The following SETD2 variants were observed in gnomAD, a reference collection of about 807,000 sequenced individuals.
SETD2 encodes the protein SET domain containing 2, histone lysine methyltransferase.
In SETD2, 31 loss-of-function variants were observed where a neutral mutation model predicts 242.1. The observed-to-expected ratio is 0.13, with a 90% CI of 0.10 to 0.17. The LOEUF (loss-of-function observed/expected upper bound fraction) is 0.17. Ranked by LOEUF, SETD2 falls within the 10% of genes least tolerant of loss-of-function variation. SETD2 has a pLI of 1.00. For missense variants in SETD2, 2,481 were observed against 3,046.3 expected (o/e 0.81, Z 4.37); for synonymous variants, 1,006 against 1,066.5 (o/e 0.94, Z 1.11).
Position 47,122,561 on chromosome 3 carries a change from T to A in SETD2, c.2075A>T (p.Asp692Val), listed in dbSNP as rs2106681690. Residue 692 changes from aspartate to valine, a missense_variant, in exon 3 of 21, where the codon GAT becomes GTT. Transcript: ENST00000409792. ...DLATFCTSKT[D>V]AVLMTSDDSV... is the part of the protein sequence containing the mutation. Reference sequence around the variant, plus strand: ...ATCATCAGAAGTCATTAAAACAGCATCAGTTTTAGAAGTGCAAAATGTTGC... The same window carrying A: ...ATCATCAGAAGTCATTAAAACAGCAACAGTTTTAGAAGTGCAAAATGTTGC... 6.2e-7 allele frequency: 1 copy of A among 1,614,088 alleles called. No homozygotes were observed. The highest frequency in any genetic ancestry group is 8.5e-7 in the Non-Finnish European group (1 of 1,179,966).
Position 47,146,365 on chromosome 3 carries a change from C to T in SETD2, c.71+17489G>A, listed in dbSNP as rs150054921. 2.5e-4 allele frequency among the ~76,000 whole-genome samples: 38 copies of T among 152,208 alleles called. No homozygotes were observed. The East Asian group carries it at 3.1e-3, about 12-fold the overall frequency. On this transcript the variant is annotated intron_variant, in intron 1 of 20. Transcript: ENST00000409792. ...TCATATAGCCGGGTGTGGTGGCTCA[C>T]GCCTGTAATTCCCACACTTTGGGAG...
chr3:47,068,793 CCTAT>C (rs1023121250), intron 12 of SETD2, among the ~76,000 whole-genome samples: 8 of 151,686 alleles, frequency 5.3e-5, no homozygotes, highest in South Asian at 2.1e-4. Context: ...CTGCGCCCGG[CCTAT>C]CTTTTTGTTT....
At chr3:47,073,132 C>G (rs1413916507) in intron 12 of SETD2, among the ~76,000 whole-genome samples, 4 of 137,158 alleles carry the variant, frequency 2.9e-5, no homozygotes, top group African/African-American at 1.1e-4. Flanking sequence ...GCCTGGGTAA[C>G]AGAGTGACAT....
intron 18 of SETD2, among the ~76,000 whole-genome samples, chr3:47,021,055 A>G (rs1453791062): frequency 1.4e-4 from 21 of 152,248 alleles, no homozygotes; most frequent in Admixed American, 1.4e-3. Flanking sequence ...TTAAGAAAAC[A>G]AAACTAAGCA....
At chr3:47,075,962 A>G (rs913761727) in intron 12 of SETD2, among the ~76,000 whole-genome samples, 9 of 152,246 alleles carry the variant, frequency 5.9e-5, no homozygotes, top group African/African-American at 1.9e-4. Context: ...TTTCATTCAC[A>G]TATTTTTGAA....
intron 12 of SETD2, among the ~76,000 whole-genome samples, chr3:47,068,825 C>T (rs761443020): frequency 1.3e-4 from 19 of 150,636 alleles, no homozygotes; most frequent in African/African-American, 4.2e-4. Flanking sequence ...TTTTTTGAAC[C>T]GGGGTCTCTG....
At chr3:47,095,243 C>G (rs1428315999) in intron 9 of SETD2, among the ~76,000 whole-genome samples, 1 of 152,166 alleles carries the variant, frequency 6.6e-6, no homozygotes, top group Non-Finnish European at 1.5e-5. Context: ...TCAAGCAATT[C>G]TCCTGCCTCA....
intron 1 of SETD2, among the ~76,000 whole-genome samples, chr3:47,146,239 C>A (rs1184004167): frequency 6.6e-6 from 1 of 151,968 alleles, no homozygotes; most frequent in African/African-American, 2.4e-5. Flanking sequence ...AGTTTTTTAA[C>A]CTAAGTTACT....
intron 1 of SETD2, among the ~76,000 whole-genome samples, chr3:47,143,336 C>A (rs550042525): frequency 2.0e-5 from 3 of 152,038 alleles, no homozygotes; most frequent in African/African-American, 7.2e-5. Flanking sequence ...AAAACCTTAA[C>A]AAAAGTAGAC....
intron 9 of SETD2, among the ~76,000 whole-genome samples, chr3:47,090,717 C>A (rs775420048): frequency 6.6e-6 from 1 of 151,872 alleles, no homozygotes; most frequent in Admixed American, 6.6e-5. Flanking sequence ...ATAATTTGTG[C>A]GGCAATAACA....
chr3:47,125,196 G>A (rs889194809), intron 2 of SETD2, among the ~76,000 whole-genome samples: 4 of 152,026 alleles, frequency 2.6e-5, no homozygotes, highest in South Asian at 2.1e-4. Context: ...GCATGCACCT[G>A]TAACCCCAGC....
In SETD2 at chr3:47,136,252, T is replaced by C. The variant is rs541435405; in HGVS notation, c.72-9589A>G. On this transcript the variant is annotated intron_variant, in intron 1 of 20. Coordinates refer to ENST00000409792, the MANE Select transcript of SETD2 (RefSeq NM_014159.7). Reference sequence around the variant, plus strand: ...CCACTCCACATACCTGCTTATCCTCTTTCTGACCTTACCTCTTTCCATAGT... The same window carrying C: ...CCACTCCACATACCTGCTTATCCTCCTTCTGACCTTACCTCTTTCCATAGT... Among the ~76,000 whole-genome samples, 38 of 152,278 alleles carry C rather than the reference T, an allele frequency of 2.5e-4. 1 individual carries two copies. The highest frequency in any genetic ancestry group is 7.5e-4 in the African/African-American group (31 of 41,560).
intron 17 of SETD2, among the ~76,000 whole-genome samples, chr3:47,040,199 G>A (rs2039215691): frequency 6.6e-6 from 1 of 152,068 alleles, no homozygotes; most frequent in Non-Finnish European, 1.5e-5. Context: ...GGCTGGTCTT[G>A]AACTCCTGAA....
At chr3:47,131,558 T>C (rs895425126) in intron 1 of SETD2, among the ~76,000 whole-genome samples, 1 of 152,060 alleles carries the variant, frequency 6.6e-6, no homozygotes, top group Non-Finnish European at 1.5e-5. Context: ...TTAGCCAGGA[T>C]GGTCTCGATC....
At chr3:47,067,197 G>C (rs1575718461) in intron 12 of SETD2, 79 bp from the exon 13 acceptor site, 1 of 1,048,972 alleles carries the variant, frequency 9.5e-7, no homozygotes, top group East Asian at 2.4e-5. Flanking sequence ...GTTTTCACAT[G>C]ACAATAAAGA....
rs1426801945 is a variant in SETD2 at position 47,016,585 on chromosome 3, C to A, written c.*508G>T. 5 of 233,820 alleles carry A rather than the reference C, an allele frequency of 2.1e-5. No homozygotes were observed. The highest frequency in any genetic ancestry group is 4.2e-5 in the Non-Finnish European group (5 of 118,260). 14.5% of individuals were successfully genotyped at this position (233,820 alleles called of 1,614,324 possible). A position where few individuals can be genotyped will look rare whatever the true frequency, so the allele number is the denominator to read the frequency against. On this transcript the variant is annotated 3_prime_UTR_variant, in exon 21 of 21. Coordinates refer to ENST00000409792, the MANE Select transcript of SETD2 (RefSeq NM_014159.7). ...CTGCTTTAGAATATTTACATGATAA[C>A]AAATTAAACCTTGCAGGAGAACTTA...
intron 13 of SETD2, among the ~76,000 whole-genome samples, chr3:47,066,280 G>A (rs936263266): frequency 6.6e-6 from 1 of 152,094 alleles, no homozygotes; most frequent in Non-Finnish European, 1.5e-5. Context: ...GAATTTCGAC[G>A]CACAGGGTAT....
chr3:47,077,996 A>C (rs1244831374), intron 12 of SETD2, among the ~76,000 whole-genome samples: 9 of 152,322 alleles, frequency 5.9e-5, no homozygotes, highest in African/African-American at 2.2e-4. Context: ...AGAACAAGTA[A>C]ACTTCTTGCT....
chr3:47,088,054 T>C (rs2041640880), intron 10 of SETD2, 59 bp downstream of exon 10: 13 of 1,481,156 alleles, frequency 8.8e-6, no homozygotes, highest in Non-Finnish European at 1.1e-5. Context: ...TTCATTCATC[T>C]TCATTCATTC....
Sources: allele counts gnomAD v4.1 joint callset (sites outside exome capture counted in the v4.1 genomes callset), GRCh38; gene constraint gnomAD v4.1.1; transcripts MANE v1.5; gene names NCBI Gene and HGNC (gene_info 2026-07-23, HGNC 2026-07-21).